Variants in TUT4 observed in about 807,000 individuals in gnomAD.
TUT4 encodes the protein terminal uridylyltransferase 4.
TUT4 carries 36 observed loss-of-function variants against 192.2 expected under a neutral mutation model. The observed-to-expected ratio is 0.19, with a 90% CI of 0.14 to 0.25. The LOEUF is 0.25. Ranked by LOEUF, TUT4 falls within the 10% of genes least tolerant of loss-of-function variation. The pLI is 1.00. For synonymous variants in TUT4, 618 were observed against 666.0 expected (o/e 0.93, Z 1.11); for missense variants, 1,493 against 1,957.2 (o/e 0.76, Z 4.47).
chr1:52,530,813 G>A (rs1394816632), intron 1 of TUT4, among the ~76,000 whole-genome samples: 1 of 151,956 alleles, frequency 6.6e-6, no homozygotes, highest in Non-Finnish European at 1.5e-5. Flanking sequence ...GGCCAGCCTG[G>A]GCAACATGGT....
intron 28 of TUT4, among the ~76,000 whole-genome samples, chr1:52,425,729 GTAA>G (rs1649670087): frequency 6.6e-6 from 1 of 152,122 alleles, no homozygotes; most frequent in Admixed American, 6.6e-5. Context: ...ACAACAATAT[GTAA>G]TAATTGCTAG....
intron 20 of TUT4, among the ~76,000 whole-genome samples, chr1:52,449,478 T>C (rs971716022): frequency 1.3e-5 from 2 of 152,144 alleles, no homozygotes; most frequent in African/African-American, 4.8e-5. Context: ...TTTGTATTTT[T>C]TAGTAGAGAT....
At chr1:52,425,539 A>G in intron 28 of TUT4, 32 bp from the exon 29 acceptor site, 1 of 1,584,370 alleles carries the variant, frequency 6.3e-7, no homozygotes, top group Non-Finnish European at 8.6e-7. Flanking sequence ...AAAGACATTT[A>G]AAAACATTAG....
chr1:52,429,679 T>C (rs886842765), intron 28 of TUT4, among the ~76,000 whole-genome samples: 6 of 151,870 alleles, frequency 4.0e-5, no homozygotes, highest in African/African-American at 1.5e-4. Context: ...GCAACCTCTC[T>C]TTCCCTGGGT....
intron 9 of TUT4, among the ~76,000 whole-genome samples, chr1:52,485,332 T>C (rs1343038695): frequency 7.2e-5 from 11 of 152,216 alleles, no homozygotes; most frequent in Non-Finnish European, 1.5e-4. Context: ...TATTTAGTTA[T>C]CTTACTAAAT....
At chr1:52,440,708 C>T (rs1655277940) in intron 24 of TUT4, among the ~76,000 whole-genome samples, 1 of 152,086 alleles carries the variant, frequency 6.6e-6, no homozygotes, top group Admixed American at 6.6e-5. Context: ...GTTAGGGCGG[C>T]CTACACCTGA....
chr1:52,436,989 T>C lies in TUT4; in HGVS notation c.3939-11A>G, dbSNP rs1487107651. 1.9e-6 allele frequency: 3 copies of C among 1,612,224 alleles called. No individual in the cohort carries two copies. In the Middle Eastern group the frequency reaches 5.0e-4, roughly 266 times the overall value. ...CTAAACAGTAAACTGCTGATACCAA[T>C]AATGTGGGGCTAGGGACTTGTAAAT... On this transcript the variant is annotated splice_polypyrimidine_tract_variant and intron_variant, in intron 25 of 29. Transcript: ENST00000257177.
intron 29 of TUT4, chr1:52,424,681 C>T (rs1319004645): frequency 5.3e-5 from 8 of 152,210 alleles, no homozygotes; most frequent in African/African-American, 1.9e-4. Context: ...CCAGTCAAAG[C>T]CATTATTAGT....
chr1:52,531,189 A>C (rs945819088), intron 1 of TUT4, among the ~76,000 whole-genome samples: 9 of 152,046 alleles, frequency 5.9e-5, no homozygotes, highest in Non-Finnish European at 8.8e-5. Context: ...CTAACCTTAA[A>C]TAACCAACTA....
chr1:52,488,440 A>C (rs1670331627), intron 9 of TUT4, among the ~76,000 whole-genome samples: 1 of 152,224 alleles, frequency 6.6e-6, no homozygotes, highest in African/African-American at 2.4e-5. Context: ...AATTTAGGAA[A>C]CTTAAATAAC....
intron 26 of TUT4, among the ~76,000 whole-genome samples, chr1:52,436,474 G>T (rs1007222544): frequency 1.3e-5 from 2 of 152,074 alleles, no homozygotes; most frequent in Non-Finnish European, 2.9e-5. Context: ...TAACAAGAGC[G>T]AGACTCCATC....
intron 1 of TUT4, among the ~76,000 whole-genome samples, chr1:52,540,532 G>T (rs1179541004): frequency 6.7e-6 from 1 of 150,184 alleles, no homozygotes; most frequent in Admixed American, 6.6e-5. Context: ...AAAAAAGAAA[G>T]AAAGAAAGAA....
intron 7 of TUT4, among the ~76,000 whole-genome samples, 166 bp downstream of exon 7, chr1:52,493,445 T>C (rs1489969975): frequency 6.6e-6 from 1 of 152,014 alleles, no homozygotes; most frequent in Non-Finnish European, 1.5e-5. Context: ...TTATATTTTC[T>C]AGTATATCTA....
At chr1:52,451,538 T>C (rs1377760506) in intron 20 of TUT4, among the ~76,000 whole-genome samples, 1 of 151,906 alleles carries the variant, frequency 6.6e-6, no homozygotes, top group Non-Finnish European at 1.5e-5. Context: ...ATGAACTAAT[T>C]CCTTAAAAGA....
At chr1:52,539,497 G>A (rs1049719813) in intron 1 of TUT4, among the ~76,000 whole-genome samples, 11 of 152,120 alleles carry the variant, frequency 7.2e-5, no homozygotes, top group African/African-American at 2.7e-4. Context: ...CTGGCTTTGA[G>A]GAAACAGGTA....
chr1:52,496,992 A>G lies in TUT4; in HGVS notation c.1177+14T>C, dbSNP rs754650478. 6.2e-7 allele frequency: 1 copy of G among 1,608,630 alleles called. No individual in the cohort carries two copies. Among genetic ancestry groups the G allele is most frequent in the South Asian group, 1.1e-5 (1 of 89,472 alleles). The stretch of plus-strand genomic sequence containing the variant: ...TTTGTGATTTTCAAAATCAAATATG[A>G]AATGTATTTCTACCTGGTAAAAATG... On this transcript the variant is annotated intron_variant, in intron 5 of 29. Coordinates refer to ENST00000257177, the MANE Select transcript of TUT4 (RefSeq NM_001009881.3).
chr1:52,520,609 C>T (rs1361094801), intron 2 of TUT4, among the ~76,000 whole-genome samples: 1 of 152,128 alleles, frequency 6.6e-6, no homozygotes, highest in African/African-American at 2.4e-5. Context: ...AGATCAAGAA[C>T]ACTCTCTCCT....
At chr1:52,490,078 C>G (rs566893097) in intron 8 of TUT4, among the ~76,000 whole-genome samples, 1 of 151,444 alleles carries the variant, frequency 6.6e-6, no homozygotes, top group East Asian at 1.9e-4. Flanking sequence ...TTTAAATCAA[C>G]TCATTCAATG....
chr1:52,483,658 A>C (rs1033964298), intron 9 of TUT4, among the ~76,000 whole-genome samples: 1 of 152,098 alleles, frequency 6.6e-6, no homozygotes, highest in African/African-American at 2.4e-5. Context: ...AAAAATACAA[A>C]AATTAGCCAG....
Sources: allele counts gnomAD v4.1 joint callset (sites outside exome capture counted in the v4.1 genomes callset), GRCh38; gene constraint gnomAD v4.1.1; transcripts MANE v1.5; gene names NCBI Gene and HGNC (gene_info 2026-07-23, HGNC 2026-07-21).